The following FGGY variants were observed in gnomAD, a reference collection of about 807,000 sequenced individuals.
The protein encoded by FGGY is FGGY carbohydrate kinase domain containing.
FGGY carries 72 observed loss-of-function variants against 71.3 expected under a neutral mutation model. The observed-to-expected ratio is 1.01, with a 90% confidence interval of 0.84 to 1.23. FGGY has a LOEUF of 1.23. FGGY is among the 50% of genes most tolerant of loss of function. FGGY has a pLI of 0.00. For missense variants in FGGY, 668 were observed against 682.3 expected (o/e 0.98, Z 0.23); for synonymous variants, 251 against 250.3 (o/e 1.00, Z -0.02).
chr1:59,681,034 T>C (rs985710375), intron 14 of FGGY: 11 of 152,198 alleles, frequency 7.2e-5, no homozygotes, highest in African/African-American at 2.7e-4. Context: ...TTCTAATTCA[T>C]TTCCCCAGAG....
At chr1:59,441,437 G>A (rs569630604) in intron 5 of FGGY, among the ~76,000 whole-genome samples, 61 of 152,232 alleles carry the variant, frequency 4.0e-4, no homozygotes, top group Middle Eastern at 6.8e-3. Context: ...CATTTAGTTC[G>A]GATAATGGCT....
At chr1:59,725,514 G>C (rs370761062) in intron 14 of FGGY, among the ~76,000 whole-genome samples, 9 of 151,860 alleles carry the variant, frequency 5.9e-5, no homozygotes, top group African/African-American at 2.2e-4. Flanking sequence ...AAAATAGTTC[G>C]CTGAAAATTC....
intron 6 of FGGY, among the ~76,000 whole-genome samples, chr1:59,462,001 A>G (rs868389565): frequency 9.2e-6 from 1 of 108,340 alleles, no homozygotes; most frequent in Non-Finnish European, 1.8e-5. Context: ...AACAGTCCCC[A>G]GAGTGTGATG....
At chr1:59,548,783 A>C (rs968018600) in intron 7 of FGGY, among the ~76,000 whole-genome samples, 4 of 152,222 alleles carry the variant, frequency 2.6e-5, no homozygotes, top group Admixed American at 6.5e-5. Flanking sequence ...TGTATCAGAC[A>C]GTGCAAATAT....
At chr1:59,614,961 C>T (rs958810596) in intron 9 of FGGY, among the ~76,000 whole-genome samples, 4 of 152,160 alleles carry the variant, frequency 2.6e-5, no homozygotes, top group Admixed American at 1.3e-4. Context: ...ATGACCTCTT[C>T]AAGGAGAACT....
intron 6 of FGGY, among the ~76,000 whole-genome samples, chr1:59,470,069 T>C (rs535357188): frequency 8.1e-4 from 123 of 152,274 alleles, no homozygotes; most frequent in African/African-American, 2.9e-3. Flanking sequence ...TACATGTACA[T>C]GTGTCTTTAT....
At chr1:59,719,140 G>T (rs1312489647) in intron 14 of FGGY, among the ~76,000 whole-genome samples, 14 of 152,182 alleles carry the variant, frequency 9.2e-5, no homozygotes, top group Admixed American at 6.5e-5. Context: ...CAGCTTTACT[G>T]GTCCCACCTG....
At chr1:59,749,229 G>A (rs978605577) in intron 14 of FGGY, among the ~76,000 whole-genome samples, 48 of 152,208 alleles carry the variant, frequency 3.2e-4, no homozygotes, top group African/African-American at 9.9e-4. Flanking sequence ...TAAGTCAACC[G>A]TTGTCTTGAA....
At chr1:59,374,207 G>A (rs532696582) in intron 4 of FGGY, among the ~76,000 whole-genome samples, 1 of 152,084 alleles carries the variant, frequency 6.6e-6, no homozygotes, top group East Asian at 1.9e-4. Flanking sequence ...AAATTTACAA[G>A]AAAAAAACAA....
intron 11 of FGGY, among the ~76,000 whole-genome samples, chr1:59,652,001 T>C (rs1307622507): frequency 6.7e-6 from 1 of 150,206 alleles, no homozygotes; most frequent in Non-Finnish European, 1.5e-5. Context: ...TTATTTCTCC[T>C]TCACTTATGA....
intron 1 of FGGY, among the ~76,000 whole-genome samples, chr1:59,316,913 T>G (rs1351846082): frequency 6.6e-6 from 1 of 152,160 alleles, no homozygotes; most frequent in Non-Finnish European, 1.5e-5. Flanking sequence ...CTGTTTTCTT[T>G]TTAGAGTATT....
chr1:59,711,297 C>T (rs2097792206), intron 14 of FGGY, among the ~76,000 whole-genome samples: 1 of 151,704 alleles, frequency 6.6e-6, no homozygotes, highest in African/African-American at 2.4e-5. Flanking sequence ...GTCAAGCAGT[C>T]GGGGGAAGGG....
At chr1:59,757,247 T>C (rs992385125) in intron 14 of FGGY, among the ~76,000 whole-genome samples, 3 of 152,178 alleles carry the variant, frequency 2.0e-5, no homozygotes, top group Admixed American at 6.5e-5. Context: ...TCTGCTCATA[T>C]GGGAGCCAAA....
At chr1:59,484,408 A>G (rs192023348) in intron 6 of FGGY, among the ~76,000 whole-genome samples, 14 of 151,918 alleles carry the variant, frequency 9.2e-5, no homozygotes, top group African/African-American at 2.2e-4. Context: ...TCTTCTTTCC[A>G]TGGGCCTTAA....
At chr1:59,571,787 A>G (rs573444673) in intron 8 of FGGY, among the ~76,000 whole-genome samples, 51 of 152,368 alleles carry the variant, frequency 3.3e-4, no homozygotes, top group African/African-American at 1.2e-3. Context: ...CTACAGCTAC[A>G]TATGACAACA....
intron 14 of FGGY, among the ~76,000 whole-genome samples, chr1:59,722,859 C>T (rs758565726): frequency 1.3e-5 from 2 of 152,150 alleles, no homozygotes; most frequent in South Asian, 2.1e-4. Context: ...TGCAGTGGCA[C>T]GATCTTGGCT....
chr1:59,653,440 G>A (rs987399298), intron 11 of FGGY, among the ~76,000 whole-genome samples: 1 of 152,180 alleles, frequency 6.6e-6, no homozygotes, highest in African/African-American at 2.4e-5. Flanking sequence ...GCCAGGTGTG[G>A]GATATAGTCT....
chr1:59,371,647 C>A (rs920593161), intron 4 of FGGY, among the ~76,000 whole-genome samples: 9 of 152,260 alleles, frequency 5.9e-5, no homozygotes, highest in African/African-American at 2.2e-4. Context: ...AAATTGACCA[C>A]ATGGTTGGAA....
chr1:59,620,112 C>T (rs190118044), intron 9 of FGGY, among the ~76,000 whole-genome samples: 5 of 152,048 alleles, frequency 3.3e-5, no homozygotes, highest in Middle Eastern at 3.4e-3. Context: ...AGAATTACTA[C>T]GTTTTCTGAT....
Sources: gnomAD v4.1 joint callset for allele counts (sites outside exome capture counted in the v4.1 genomes callset) on GRCh38, gnomAD v4.1.1 for gene constraint, MANE v1.5 for transcripts, NCBI Gene and HGNC (gene_info 2026-07-23, HGNC 2026-07-21) for gene names.